The following NAALADL2 variants were observed in gnomAD, a reference collection of about 807,000 sequenced individuals.
NAALADL2 encodes the protein N-acetylated alpha-linked acidic dipeptidase like 2.
NAALADL2 carries 76 observed loss-of-function variants against 87.2 expected under a neutral mutation model. That is an observed-to-expected ratio of 0.87 (90% confidence interval 0.72 to 1.05). The LOEUF is 1.05. Ranked by LOEUF, NAALADL2 falls within the 50% of genes least tolerant of loss-of-function variation. The probability of loss-of-function intolerance (pLI) is 0.00; values close to 1 mark genes in which losing one functional copy is unlikely to be tolerated. For synonymous variants in NAALADL2, 354 were observed against 331.0 expected (o/e 1.07, Z -0.75); for missense variants, 1,089 against 945.8 (o/e 1.15, Z -1.99).
intron 11 of NAALADL2, among the ~76,000 whole-genome samples, chr3:175,704,111 C>T (rs1739347903): frequency 6.6e-6 from 1 of 152,116 alleles, no homozygotes; most frequent in Non-Finnish European, 1.5e-5. Flanking sequence ...CTCCCTAAGA[C>T]TCTCTGAAAT....
chr3:175,652,194 A>G (rs2149790311), intron 11 of NAALADL2, among the ~76,000 whole-genome samples: 1 of 152,306 alleles, frequency 6.6e-6, no homozygotes, highest in Admixed American at 6.5e-5. Flanking sequence ...CCACTCTCGT[A>G]AGCAATAAAG....
chr3:174,882,600 CATACAT>C (rs1369262760), intron 1 of NAALADL2, among the ~76,000 whole-genome samples: 1 of 135,272 alleles, frequency 7.4e-6, no homozygotes, highest in Admixed American at 7.1e-5. Flanking sequence ...TGTATATACA[CATACAT>C]ATATGTGCAT....
chr3:175,787,024 G>A (rs1429495532), intron 13 of NAALADL2, among the ~76,000 whole-genome samples: 1 of 151,912 alleles, frequency 6.6e-6, no homozygotes, highest in East Asian at 1.9e-4. Flanking sequence ...TAGGCTGCTT[G>A]TTGGTCAGGG....
chr3:174,845,373 C>T (rs896165344), intron 3 of NAALADL2, among the ~76,000 whole-genome samples: 1 of 152,208 alleles, frequency 6.6e-6, no homozygotes, highest in African/African-American at 2.4e-5. Context: ...GGGCCACCTT[C>T]AGTCCTGCTG....
chr3:175,678,089 A>G (rs1055727917), intron 11 of NAALADL2, among the ~76,000 whole-genome samples: 3 of 152,172 alleles, frequency 2.0e-5, no homozygotes, highest in African/African-American at 2.4e-5. Context: ...TGTAGTTTCA[A>G]TTAAGGTGTA....
chr3:174,869,398 A>G (rs2109596886), intron 1 of NAALADL2, among the ~76,000 whole-genome samples: 1 of 152,310 alleles, frequency 6.6e-6, no homozygotes, highest in East Asian at 1.9e-4. Context: ...TCAGTGAAGG[A>G]AAGAATGAAA....
intron 2 of NAALADL2, among the ~76,000 whole-genome samples, chr3:175,221,446 G>T (rs947549649): frequency 1.3e-5 from 2 of 152,002 alleles, no homozygotes; most frequent in Non-Finnish European, 2.9e-5. Context: ...CACTTATAAA[G>T]TTATTGGGTA....
intron 2 of NAALADL2, among the ~76,000 whole-genome samples, chr3:174,633,744 T>C (rs1722371390): frequency 3.3e-5 from 5 of 152,184 alleles, no homozygotes; most frequent in Non-Finnish European, 7.4e-5. Flanking sequence ...TGTGATGTGA[T>C]TGACTACTGA....
At chr3:175,127,240 C>T (rs1168907389) in intron 2 of NAALADL2, among the ~76,000 whole-genome samples, 1 of 152,104 alleles carries the variant, frequency 6.6e-6, no homozygotes, top group African/African-American at 2.4e-5. Flanking sequence ...TCCCGCTACC[C>T]CCCAAAGTGA....
At chr3:175,638,697 T>G (rs935920427) in intron 11 of NAALADL2, among the ~76,000 whole-genome samples, 1 of 152,216 alleles carries the variant, frequency 6.6e-6, no homozygotes, top group African/African-American at 2.4e-5. Context: ...CCAAATATTT[T>G]ACTTTAAAAA....
chr3:175,105,540 TTATA>T (rs1190890261), intron 2 of NAALADL2, among the ~76,000 whole-genome samples: 11 of 142,008 alleles, frequency 7.7e-5, no homozygotes, highest in Non-Finnish European at 1.1e-4. Flanking sequence ...ATTCATATAT[TTATA>T]TATAGATTTA....
Position 174,526,497 on chromosome 3 carries a change from T to G in NAALADL2, c.-183-24072T>G, listed in dbSNP as rs1256853104. Reference sequence around the variant, plus strand: ...AAATAAATGTCTAACACTTTACATATTGCCTGGCATATAATATATATTGAC... The same window carrying G: ...AAATAAATGTCTAACACTTTACATAGTGCCTGGCATATAATATATATTGAC... On this transcript the variant is annotated intron_variant, in intron 1 of 3. Transcript: ENST00000434257. 2.0e-5 allele frequency among the ~76,000 whole-genome samples: 3 copies of G among 152,192 alleles called. No individual in the cohort carries two copies. The East Asian group carries it at 5.8e-4, about 29-fold the overall frequency.
intron 2 of NAALADL2, among the ~76,000 whole-genome samples, chr3:174,638,795 T>G (rs1203694759): frequency 3.3e-5 from 5 of 152,238 alleles, no homozygotes; most frequent in Non-Finnish European, 5.9e-5. Context: ...AGAGACACTT[T>G]AATGTATTCA....
chr3:175,096,235 A>G (rs28636796), intron 1 of NAALADL2, among the ~76,000 whole-genome samples: 60,624 of 151,858 alleles, frequency 0.4, 12,508 homozygotes, highest in Non-Finnish European at 0.46. Context: ...TAGAATTCAT[A>G]CTTCATTTAG....
intron 3 of NAALADL2, among the ~76,000 whole-genome samples, chr3:174,840,152 C>A (rs1384959983): frequency 2.7e-5 from 4 of 150,824 alleles, no homozygotes; most frequent in Admixed American, 2.6e-4. Flanking sequence ...ATATATATAT[C>A]TAATATATAT....
intron 11 of NAALADL2, among the ~76,000 whole-genome samples, chr3:175,709,649 C>CT (rs11386141): frequency 0.24 from 36,815 of 151,994 alleles, 5,450 homozygotes; most frequent in African/African-American, 0.42. Context: ...ATATTTGAAA[C>CT]TATGGCAGTT....
intron 1 of NAALADL2, among the ~76,000 whole-genome samples, chr3:174,962,375 T>TATATATATATATGTCATAGTGACTATGAC (rs1742167895): frequency 4.4e-5 from 2 of 45,718 alleles, no homozygotes; most frequent in African/African-American, 2.5e-4. Context: ...CTATGACATA[T>TATATATATATATGTCATAGTGACTATGAC]ATATATATAT....
Position 175,803,432 on chromosome 3 carries a change from G to C in NAALADL2, c.*229G>C, listed in dbSNP as rs1754428388. ...ATATGTAAAGCAAGTTATTGAAATAGGACTTAAGAATTACCTATTAAAAAG... is the reference window on the plus strand; with the variant it reads ...ATATGTAAAGCAAGTTATTGAAATACGACTTAAGAATTACCTATTAAAAAG... On this transcript the variant is annotated 3_prime_UTR_variant, in exon 14 of 14. Transcript: ENST00000454872. 1 of 320,982 alleles carries C rather than the reference G, an allele frequency of 3.1e-6. No individual in the cohort carries two copies. Among genetic ancestry groups the C allele is most frequent in the South Asian group, 8.0e-5 (1 of 12,468 alleles). The allele number at this position is 320,982 out of a possible 1,614,324, so 19.9% of individuals were successfully genotyped here. A position where few individuals can be genotyped will look rare whatever the true frequency, so the allele number is the denominator to read the frequency against.
chr3:174,719,126 C>G (rs1731475257), intron 2 of NAALADL2, among the ~76,000 whole-genome samples: 1 of 152,116 alleles, frequency 6.6e-6, no homozygotes, highest in African/African-American at 2.4e-5. Flanking sequence ...CTCTAACATC[C>G]TGTAATTTAT....
Sources: gnomAD v4.1 joint callset for allele counts (sites outside exome capture counted in the v4.1 genomes callset) on GRCh38, gnomAD v4.1.1 for gene constraint, MANE v1.5 for transcripts, NCBI Gene and HGNC (gene_info 2026-07-23, HGNC 2026-07-21) for gene names.